RSPO3: variants seen among roughly 807,000 people sequenced by gnomAD.
RSPO3 encodes R-spondin-3.
A neutral mutation model predicts 36.5 loss-of-function variants in RSPO3; 17 were observed. The observed-to-expected ratio is 0.47, with a 90% CI of 0.32 to 0.70. The LOEUF (loss-of-function observed/expected upper bound fraction) is 0.70. RSPO3 is among the 30% of genes least tolerant of loss of function. The pLI is 0.04. For synonymous variants in RSPO3, 108 were observed against 107.0 expected (o/e 1.01, Z -0.06); for missense variants, 294 against 322.5 (o/e 0.91, Z 0.68).
intron 4 of RSPO3, among the ~76,000 whole-genome samples, chr6:127,164,683 G>T (rs1774779798): frequency 6.6e-6 from 1 of 152,028 alleles, no homozygotes; most frequent in African/African-American, 2.4e-5. Context: ...TGTGTGAAAT[G>T]CACCAGTGTG....
intron 1 of RSPO3, among the ~76,000 whole-genome samples, chr6:127,129,648 A>T (rs1774011274): frequency 6.6e-6 from 1 of 151,954 alleles, no homozygotes; most frequent in African/African-American, 2.4e-5. Flanking sequence ...TTTTTCACTA[A>T]TTTTTTTCCC....
At chr6:127,165,605 T>C (rs1774807408) in intron 4 of RSPO3, among the ~76,000 whole-genome samples, 1 of 152,036 alleles carries the variant, frequency 6.6e-6, no homozygotes, top group Non-Finnish European at 1.5e-5. Flanking sequence ...CCATGTTTTA[T>C]ACCTTTTATG....
intron 2 of RSPO3, among the ~76,000 whole-genome samples, chr6:127,149,746 A>G (rs1198446381): frequency 6.6e-6 from 1 of 152,048 alleles, no homozygotes; most frequent in Non-Finnish European, 1.5e-5. Context: ...GTCCTGGGTT[A>G]GTTTTATAAC....
At chr6:127,157,345 A>G (rs999268080) in intron 4 of RSPO3, among the ~76,000 whole-genome samples, 2 of 152,138 alleles carry the variant, frequency 1.3e-5, no homozygotes, top group African/African-American at 4.8e-5. Flanking sequence ...AAAGTTATCC[A>G]ATAGCAGAAT....
Position 127,131,551 on chromosome 6 carries a change from G to A in RSPO3, c.97+12262G>A, listed in dbSNP as rs563046519. Among the ~76,000 whole-genome samples the A allele has an allele frequency of 9.9e-5, 15 of 152,074 alleles. No individual in the cohort carries two copies. The East Asian group carries it at 1.2e-3, about 12-fold the overall frequency. ...AGATTTTCCAGTGCAGGATATTTTCGTCACCCTTCCTAGCTCAAACTCACT... is the reference window on the plus strand; with the variant it reads ...AGATTTTCCAGTGCAGGATATTTTCATCACCCTTCCTAGCTCAAACTCACT... On this transcript the variant is annotated intron_variant, in intron 1 of 4. Coordinates refer to ENST00000356698, the MANE Select transcript of RSPO3 (RefSeq NM_032784.5).
At chr6:127,128,421 T>G (rs772548588) in intron 1 of RSPO3, among the ~76,000 whole-genome samples, 1 of 151,974 alleles carries the variant, frequency 6.6e-6, no homozygotes, top group African/African-American at 2.4e-5. Context: ...AATAACACAA[T>G]CTTTGGGGAT....
intron 1 of RSPO3, among the ~76,000 whole-genome samples, chr6:127,138,171 C>T (rs1287848559): frequency 1.3e-5 from 2 of 152,022 alleles, no homozygotes; most frequent in Non-Finnish European, 2.9e-5. Flanking sequence ...CATTTTTACA[C>T]ACAGTAAAGT....
Position 127,198,750 on chromosome 6 carries a change from T to C in RSPO3, c.*2743T>C, listed in dbSNP as rs1775563451. Among the ~76,000 whole-genome samples, 1 of 152,206 alleles carries C rather than the reference T, an allele frequency of 6.6e-6. No individual in the cohort carries two copies. Among genetic ancestry groups the C allele is most frequent in the Non-Finnish European group, 1.5e-5 (1 of 68,028 alleles). On this transcript the variant is annotated 3_prime_UTR_variant, in exon 5 of 5. Transcript: ENST00000356698. ...AACTCCTCTGGGTCCCCATTTCTCA[T>C]GTGCAACAAGAAAGAGGGGAACTGG...
chr6:127,186,800 A>G (rs968570097), intron 4 of RSPO3, among the ~76,000 whole-genome samples: 5 of 152,172 alleles, frequency 3.3e-5, no homozygotes, highest in Admixed American at 3.3e-4. Flanking sequence ...AGTACTAAAG[A>G]AATAATTTTT....
At chr6:127,171,439 T>C (rs1774932629) in intron 4 of RSPO3, among the ~76,000 whole-genome samples, 1 of 151,748 alleles carries the variant, frequency 6.6e-6, no homozygotes, top group Non-Finnish European at 1.5e-5. Context: ...GGGCTTTGTA[T>C]TTCTTTCTTT....
intron 4 of RSPO3, among the ~76,000 whole-genome samples, chr6:127,168,288 C>T (rs1774862269): frequency 6.6e-6 from 1 of 152,028 alleles, no homozygotes; most frequent in Admixed American, 6.6e-5. Context: ...TATTAATGAT[C>T]ACCATTCTAA....
chr6:127,175,082 G>A (rs1775024541), intron 4 of RSPO3, among the ~76,000 whole-genome samples: 1 of 151,674 alleles, frequency 6.6e-6, no homozygotes, highest in African/African-American at 2.4e-5. Flanking sequence ...ATGCAAAAAC[G>A]TGATTTTCCC....
chr6:127,177,644 A>C (rs1450107042), intron 4 of RSPO3, among the ~76,000 whole-genome samples: 1 of 151,864 alleles, frequency 6.6e-6, no homozygotes, highest in Non-Finnish European at 1.5e-5. Flanking sequence ...CAGAGTGAAA[A>C]ACTGAAATGG....
At chr6:127,140,021 T>C (rs1206909727) in intron 1 of RSPO3, among the ~76,000 whole-genome samples, 6 of 152,250 alleles carry the variant, frequency 3.9e-5, no homozygotes, top group Admixed American at 2.6e-4. Flanking sequence ...AGCTAGTCGG[T>C]TGGTCACAGG....
chr6:127,167,499 C>T (rs561716510), intron 4 of RSPO3, among the ~76,000 whole-genome samples: 1 of 151,952 alleles, frequency 6.6e-6, no homozygotes, highest in Non-Finnish European at 1.5e-5. Context: ...ATATGTGCCA[C>T]ATTTTCTTAA....
At position 127,175,869 on chromosome 6, in the gene RSPO3, G is replaced by A. The variant is rs79918312; in HGVS notation, c.635-19954G>A. Among the ~76,000 whole-genome samples, 654 of 151,648 alleles carry A rather than the reference G, an allele frequency of 4.3e-3. 5 individuals carry two copies. Among genetic ancestry groups the A allele is most frequent in the African/African-American group, 0.015 (631 of 41,430 alleles). On this transcript the variant is annotated intron_variant, in intron 4 of 4. Coordinates refer to ENST00000356698, the MANE Select transcript of RSPO3 (RefSeq NM_032784.5). ...CCAAATTTTCTAATACCAGTAAATGGGGACACATTATATTGAATAAGGGTA... is the reference window on the plus strand; with the variant it reads ...CCAAATTTTCTAATACCAGTAAATGAGGACACATTATATTGAATAAGGGTA...
chr6:127,155,029 G>A (rs552081105), intron 3 of RSPO3, among the ~76,000 whole-genome samples: 5 of 152,160 alleles, frequency 3.3e-5, no homozygotes, highest in Non-Finnish European at 7.4e-5. Context: ...ATGCAAAAAT[G>A]AGTTTACCTG....
chr6:127,155,181 C>A, intron 3 of RSPO3, 60 bp from the exon 4 acceptor site: 1 of 1,532,680 alleles, frequency 6.5e-7, no homozygotes, highest in Non-Finnish European at 9.0e-7. Context: ...CTTTTTTTAA[C>A]TCAACAATAG....
At chr6:127,140,591 T>C (rs1398680811) in intron 1 of RSPO3, among the ~76,000 whole-genome samples, 1 of 152,238 alleles carries the variant, frequency 6.6e-6, no homozygotes, top group Non-Finnish European at 1.5e-5. Flanking sequence ...AAGATGCTGG[T>C]TCTGTTCCAA....
Sources: gnomAD v4.1 joint callset for allele counts (sites outside exome capture counted in the v4.1 genomes callset) on GRCh38, gnomAD v4.1.1 for gene constraint, MANE v1.5 for transcripts, NCBI Gene and HGNC (gene_info 2026-07-23, HGNC 2026-07-21) for gene names.